Variants in CDKL5 observed in about 807,000 individuals in gnomAD.
CDKL5 encodes cyclin dependent kinase like 5, also known as cyclin-dependent kinase-like 5.
Under a neutral mutation model 61.7 loss-of-function variants are expected in CDKL5, and 8 were observed. The ratio of observed to expected loss-of-function variants is 0.13; its 90% CI spans 0.08 to 0.23. The LOEUF (loss-of-function observed/expected upper bound fraction) is 0.23, where lower values mean the gene tolerates loss of function less well. Ranked by LOEUF, CDKL5 falls within the 10% of genes least tolerant of loss-of-function variation. The probability of loss-of-function intolerance (pLI) is 1.00; values close to 1 mark genes in which losing one functional copy is unlikely to be tolerated. For missense variants in CDKL5, 440 were observed against 734.5 expected, an observed-to-expected ratio of 0.60 and a Z score of 4.63; for synonymous variants, 275 against 272.3, an observed-to-expected ratio of 1.01 and a Z score of -0.10.
intron 3 of CDKL5, among the ~76,000 whole-genome samples, chrX:18,528,045 A>G (rs894590109): frequency 9.0e-6 from 1 of 111,366 alleles, no homozygotes; most frequent in African/African-American, 3.3e-5. Flanking sequence ...CCGTTGTGGT[A>G]TGATAGCATA....
intron 14 of CDKL5, 149 bp downstream of exon 14, chrX:18,609,719 G>A (rs1926484678): frequency 9.8e-7 from 1 of 1,023,780 alleles, no homozygotes; most frequent in South Asian, 2.4e-5. Context: ...TGCTAAGTCA[G>A]GCCCTCCTGG....
chrX:18,477,588 GA>G (rs1921365214), intron 1 of CDKL5, among the ~76,000 whole-genome samples: 1 of 111,070 alleles, frequency 9.0e-6, no homozygotes, highest in Non-Finnish European at 1.9e-5. Context: ...TTTCTTTAAT[GA>G]TTTTTTTTTA....
chrX:18,551,199 G>A lies in CDKL5; in HGVS notation c.100-13278G>A, dbSNP rs577626720. On this transcript the variant is annotated intron_variant, in intron 3 of 17. Coordinates refer to ENST00000623535, the MANE Select transcript of CDKL5 (RefSeq NM_001323289.2). ...ACCGAATCTATAATATGAACATAGG[G>A]TAGTAAATTTATATTAGTCCTGGAA... 2.7e-5 allele frequency among the ~76,000 whole-genome samples: 3 copies of A among 110,927 alleles called. No individual in the cohort carries two copies. The Admixed American group carries it at 2.9e-4, about 11-fold the overall frequency.
chrX:18,577,735 T>G (rs1925346868), intron 5 of CDKL5, among the ~76,000 whole-genome samples: 1 of 111,792 alleles, frequency 8.9e-6, no homozygotes, highest in Admixed American at 9.5e-5. Context: ...TCCTGCGGAG[T>G]AAGGGAAGAC....
rs180755069 is a variant in CDKL5 at position 18,516,156 on chromosome X, A to G, written c.99+5302A>G. Among the ~76,000 whole-genome samples, 10 of 110,622 alleles carry G rather than the reference A, an allele frequency of 9.0e-5. No homozygotes were observed. In the East Asian group the frequency reaches 2.6e-3, roughly 28 times the overall value. ...GCATGAGCCACCACCATGCGTGGCT[A>G]ATTTTTGTATTTTTAATAGAGATGG... On this transcript the variant is annotated intron_variant, in intron 3 of 17. Coordinates refer to ENST00000623535, the MANE Select transcript of CDKL5 (RefSeq NM_001323289.2).
At chrX:18,454,621 A>G (rs1932099727) in intron 1 of CDKL5, among the ~76,000 whole-genome samples, 1 of 109,926 alleles carries the variant, frequency 9.1e-6, no homozygotes, top group South Asian at 3.8e-4. Flanking sequence ...CAGTGGCGTG[A>G]TCTTGGCTCA....
intron 1 of CDKL5, among the ~76,000 whole-genome samples, chrX:18,502,153 A>G (rs1205713281): frequency 2.7e-5 from 3 of 111,238 alleles, no homozygotes; most frequent in East Asian, 5.7e-4. Context: ...CTCCCTGTCT[A>G]TCATTCTTTT....
intron 3 of CDKL5, among the ~76,000 whole-genome samples, chrX:18,520,340 A>G (rs982107155): frequency 2.7e-5 from 3 of 112,291 alleles, no homozygotes; most frequent in African/African-American, 9.7e-5. Context: ...ATCATACAAC[A>G]TGTGACCGTT....
chrX:18,645,913 G>C (rs777560532), intron 19 of CDKL5: 2 of 1,188,824 alleles, frequency 1.7e-6, no homozygotes, highest in Admixed American at 4.5e-5. Flanking sequence ...CTGGTCAATG[G>C]GATGTGGGCA....
intron 1 of CDKL5, among the ~76,000 whole-genome samples, chrX:18,477,476 C>G (rs982903689): frequency 8.9e-6 from 1 of 112,497 alleles, no homozygotes. Context: ...TATTATTTTG[C>G]TGTTTGTTTA....
At chrX:18,456,205 A>G (rs1932137362) in intron 1 of CDKL5, among the ~76,000 whole-genome samples, 1 of 109,895 alleles carries the variant, frequency 9.1e-6, no homozygotes, top group Admixed American at 9.8e-5. Flanking sequence ...ACGCCCAGCT[A>G]ATTTTTGTAT....
intron 3 of CDKL5, among the ~76,000 whole-genome samples, chrX:18,554,321 T>C (rs764018605): frequency 2.8e-5 from 3 of 107,730 alleles, no homozygotes; most frequent in Admixed American, 1.0e-4. Context: ...CTCCGCTAAA[T>C]TGTTTTTGGC....
chrX:18,575,873 C>A (rs1925281580), intron 5 of CDKL5, among the ~76,000 whole-genome samples: 1 of 111,355 alleles, frequency 9.0e-6, no homozygotes, highest in Non-Finnish European at 1.9e-5. Context: ...CAGACCTAGG[C>A]TGGGGAATGA....
chrX:18,553,659 A>AT (rs1924487536), intron 3 of CDKL5, among the ~76,000 whole-genome samples: 1 of 110,424 alleles, frequency 9.1e-6, no homozygotes, highest in African/African-American at 3.3e-5. Flanking sequence ...CGCTGGGCTA[A>AT]TTTTTTTGTA....
At position 18,632,883 on chromosome X, in the gene CDKL5, A is replaced by C. The variant is rs1041679027; in HGVS notation, c.*4126A>C. The C allele has an allele frequency of 1.3e-6, 1 of 752,986 alleles. No homozygotes were observed. Among genetic ancestry groups the C allele is most frequent in the South Asian group, 6.7e-5 (1 of 14,832 alleles). The allele number at this position is 752,986 out of a possible 1,213,427, so 62.1% of individuals were successfully genotyped here. ...AGTCTTTAGAGTAAATAAGGAAAAA[A>C]GCCATTTATTTTCTTCTAGCCATGT... On this transcript the variant is annotated 3_prime_UTR_variant, in exon 18 of 18. Transcript: ENST00000623535.
chrX:18,631,446 T>C lies in CDKL5; in HGVS notation c.*2689T>C. The C allele has an allele frequency of 1.3e-6, 1 of 753,823 alleles. No individual in the cohort carries two copies. The highest frequency in any genetic ancestry group is 2.3e-5 in the African/African-American group (1 of 43,821). The allele number at this position is 753,823 out of a possible 1,213,427, so 62.1% of individuals were successfully genotyped here. ...CGGAGGGGGATGCAAAAGTTTTCTC[T>C]CACACCTAATGGGCCCTCTCTTAGC... On this transcript the variant is annotated 3_prime_UTR_variant, in exon 18 of 18. Transcript: ENST00000623535.
intron 15 of CDKL5, among the ~76,000 whole-genome samples, chrX:18,616,494 G>A (rs747244886): frequency 8.2e-5 from 9 of 109,543 alleles, no homozygotes; most frequent in East Asian, 5.7e-4. Flanking sequence ...GCATGGTGGC[G>A]CATGCTGGTA....
intron 2 of CDKL5, among the ~76,000 whole-genome samples, chrX:18,510,481 A>T (rs1411413755): frequency 8.9e-6 from 1 of 112,346 alleles, no homozygotes. Flanking sequence ...AGTTCCACAG[A>T]ATCTTCTGAG....
intron 3 of CDKL5, among the ~76,000 whole-genome samples, chrX:18,557,311 A>G (rs963406255): frequency 1.8e-5 from 2 of 112,124 alleles, no homozygotes; most frequent in Non-Finnish European, 3.8e-5. Context: ...TGGCATTTAC[A>G]TTGTACTAGG....
Sources: allele counts gnomAD v4.1 joint callset (sites outside exome capture counted in the v4.1 genomes callset), GRCh38; gene constraint gnomAD v4.1.1; transcripts MANE v1.5; gene names NCBI Gene and HGNC (gene_info 2026-07-23, HGNC 2026-07-21).